GPR176: variants seen among roughly 807,000 people sequenced by gnomAD.
GPR176 encodes G-protein coupled receptor 176.
GPR176 carries 26 observed loss-of-function variants against 35.4 expected under a neutral mutation model. That is an observed-to-expected ratio of 0.74 (90% CI 0.54 to 1.02). The LOEUF is 1.02. GPR176 is among the 50% of genes least tolerant of loss of function. The pLI is 0.00. For synonymous variants in GPR176, 278 were observed against 271.3 expected, an observed-to-expected ratio of 1.02 and a Z score of -0.24; for missense variants, 597 against 665.3, an observed-to-expected ratio of 0.90 and a Z score of 1.13.
chr15:39,812,461 G>C (rs548564746), intron 1 of GPR176, among the ~76,000 whole-genome samples: 3 of 152,166 alleles, frequency 2.0e-5, no homozygotes, highest in Non-Finnish European at 2.9e-5. Flanking sequence ...TTCAGCTTTT[G>C]GACTCTTGGA....
intron 1 of GPR176, among the ~76,000 whole-genome samples, chr15:39,869,871 G>A (rs780357853): frequency 6.6e-6 from 1 of 152,088 alleles, no homozygotes; most frequent in Non-Finnish European, 1.5e-5. Context: ...TGTCCCATTA[G>A]TATATCTAGA....
intron 1 of GPR176, among the ~76,000 whole-genome samples, chr15:39,843,353 A>C (rs990734676): frequency 1.3e-5 from 2 of 152,142 alleles, no homozygotes; most frequent in African/African-American, 2.4e-5. Flanking sequence ...CTTATAATCA[A>C]GAAAAAATCA....
intron 1 of GPR176, among the ~76,000 whole-genome samples, chr15:39,886,023 C>A (rs148699096): frequency 6.6e-6 from 1 of 152,054 alleles, no homozygotes; most frequent in Non-Finnish European, 1.5e-5. Context: ...CACCTGAGGT[C>A]GGGAGTTTGA....
intron 1 of GPR176, among the ~76,000 whole-genome samples, chr15:39,916,994 T>C (rs2033742353): frequency 6.6e-6 from 1 of 152,120 alleles, no homozygotes; most frequent in East Asian, 1.9e-4. Context: ...AGAATACCAG[T>C]ACGTAGGCAG....
chr15:39,801,048 C>T lies in GPR176; in HGVS notation c.*84G>A. The T allele has an allele frequency of 8.5e-7, 1 of 1,176,004 alleles. No individual in the cohort carries two copies. Among genetic ancestry groups the T allele is most frequent in the Non-Finnish European group, 1.2e-6 (1 of 823,246 alleles). The allele number at this position is 1,176,004 out of a possible 1,614,324, so 72.8% of individuals were successfully genotyped here. On this transcript the variant is annotated 3_prime_UTR_variant, in exon 3 of 3. Coordinates refer to ENST00000561100, the MANE Select transcript of GPR176 (RefSeq NM_007223.3). ...AACTCACACTGAGTTGCAAGGAGAT[C>T]ATACAATCACATGGCCACAGCATTC...
chr15:39,807,364 A>ATC, intron 1 of GPR176, 106 bp from the exon 2 acceptor site: 1 of 770,050 alleles, frequency 1.3e-6, no homozygotes, highest in Non-Finnish European at 1.9e-6. Flanking sequence ...TTGAGAGTTG[A>ATC]TTTCAAAAGA....
intron 1 of GPR176, among the ~76,000 whole-genome samples, chr15:39,889,214 G>A (rs2032776700): frequency 6.6e-6 from 1 of 152,120 alleles, no homozygotes. Context: ...TTACAACTAG[G>A]AAAACTAAAA....
intron 1 of GPR176, among the ~76,000 whole-genome samples, chr15:39,837,536 T>C (rs1260041297): frequency 2.0e-5 from 3 of 152,186 alleles, no homozygotes; most frequent in Non-Finnish European, 4.4e-5. Flanking sequence ...ACAGATCCCA[T>C]GCAAATTTAA....
At position 39,858,127 on chromosome 15, in the gene GPR176, C is replaced by G. The variant is rs1291725378; in HGVS notation, c.173-50869G>C. On this transcript the variant is annotated intron_variant, in intron 1 of 2. Coordinates refer to ENST00000561100, the MANE Select transcript of GPR176 (RefSeq NM_007223.3). ...AATCTGGGAGCTGGAAATGAGACACCTGGATGAAGCTATGACCCAAGCAAG... is the reference window on the plus strand; with the variant it reads ...AATCTGGGAGCTGGAAATGAGACACGTGGATGAAGCTATGACCCAAGCAAG... Among the ~76,000 whole-genome samples the G allele has an allele frequency of 6.6e-5, 10 of 151,914 alleles. No homozygotes were observed. In the East Asian group the frequency reaches 1.7e-3, roughly 26 times the overall value.
intron 1 of GPR176, among the ~76,000 whole-genome samples, chr15:39,830,356 G>C (rs1222515216): frequency 6.6e-6 from 1 of 152,158 alleles, no homozygotes; most frequent in Non-Finnish European, 1.5e-5. Context: ...AGATAGATAA[G>C]TATTTACTAA....
Position 39,807,113 on chromosome 15 carries a change from G to C in GPR176, c.318C>G (p.His106Gln). The C allele has an allele frequency of 1.3e-6, 2 of 1,586,022 alleles. No homozygotes were observed. The highest frequency in any genetic ancestry group is 1.7e-6 in the Non-Finnish European group (2 of 1,166,276). The change falls in exon 2 of 3, where the codon CAC (histidine) becomes CAG (glutamine). Residue 106 changes from histidine to glutamine, a missense_variant. His to Gln is a conservative substitution (Grantham distance 24). Coordinates refer to ENST00000561100, the MANE Select transcript of GPR176 (RefSeq NM_007223.3). ...GCATGGTGTAGATCCACCAGCAACA[G>C]TGAGGACTGGTGCTGAGGATGATGT... ...PFDIILSTSP[H>Q]CCWWIYTMLF...
intron 1 of GPR176, among the ~76,000 whole-genome samples, chr15:39,830,906 G>A (rs1901033097): frequency 6.6e-6 from 1 of 152,164 alleles, no homozygotes; most frequent in South Asian, 2.1e-4. Flanking sequence ...CACAAAAGTG[G>A]ACTTCTGCTT....
intron 1 of GPR176, among the ~76,000 whole-genome samples, chr15:39,841,187 G>C (rs975602993): frequency 4.6e-5 from 7 of 152,126 alleles, no homozygotes; most frequent in Non-Finnish European, 1.0e-4. Context: ...GATGAATCCT[G>C]CTAGCTAGCT....
At chr15:39,831,000 T>A (rs1423082401) in intron 1 of GPR176, among the ~76,000 whole-genome samples, 1 of 152,172 alleles carries the variant, frequency 6.6e-6, no homozygotes, top group Non-Finnish European at 1.5e-5. Flanking sequence ...TCAAAGAGCA[T>A]TATCTTTGAA....
At chr15:39,879,794 A>T (rs1300010568) in intron 1 of GPR176, among the ~76,000 whole-genome samples, 4 of 152,144 alleles carry the variant, frequency 2.6e-5, no homozygotes, top group Admixed American at 1.3e-4. Context: ...CTGCCCTTCT[A>T]TATTTATATA....
intron 1 of GPR176, among the ~76,000 whole-genome samples, chr15:39,901,505 C>T (rs1468720766): frequency 6.6e-6 from 1 of 152,180 alleles, no homozygotes; most frequent in Admixed American, 6.5e-5. Context: ...ATTTCTACTT[C>T]TTCTCTGTCC....
chr15:39,908,564 CTTTTTTT>C (rs1325467761), intron 1 of GPR176, among the ~76,000 whole-genome samples: 1 of 133,300 alleles, frequency 7.5e-6, no homozygotes, highest in Non-Finnish European at 1.6e-5. Context: ...TTTTTTTTTT[CTTTTTTT>C]TGTTCATGTA....
intron 1 of GPR176, among the ~76,000 whole-genome samples, chr15:39,821,764 T>C (rs1455192608): frequency 6.6e-6 from 1 of 152,204 alleles, no homozygotes; most frequent in East Asian, 1.9e-4. Flanking sequence ...ATGTAAGTCT[T>C]ATGTAACAGA....
At chr15:39,891,824 G>C (rs1250163209) in intron 1 of GPR176, among the ~76,000 whole-genome samples, 1 of 152,318 alleles carries the variant, frequency 6.6e-6, no homozygotes, top group Non-Finnish European at 1.5e-5. Context: ...GGATGACAGA[G>C]AGAGACCTTG....
Sources: gnomAD v4.1 joint callset for allele counts (sites outside exome capture counted in the v4.1 genomes callset) on GRCh38, gnomAD v4.1.1 for gene constraint, MANE v1.5 for transcripts, NCBI Gene and HGNC (gene_info 2026-07-23, HGNC 2026-07-21) for gene names.